TMEM178A: variants seen among roughly 807,000 people sequenced by gnomAD.
The protein encoded by TMEM178A is transmembrane protein 178A.
TMEM178A carries 12 observed loss-of-function variants against 29.1 expected under a neutral mutation model. That is an observed-to-expected ratio of 0.41 (90% CI 0.26 to 0.67). The LOEUF is 0.67. Ranked by LOEUF, TMEM178A falls within the 30% of genes least tolerant of loss-of-function variation. The pLI is 0.29. For synonymous variants in TMEM178A, 210 were observed against 187.2 expected (o/e 1.12, Z -0.99); for missense variants, 366 against 419.1 (o/e 0.87, Z 1.11).
intron 1 of TMEM178A, among the ~76,000 whole-genome samples, chr2:39,699,491 C>G (rs1671687867): frequency 1.3e-5 from 2 of 151,792 alleles, no homozygotes; most frequent in African/African-American, 4.8e-5. Flanking sequence ...GAGTCTCACT[C>G]TGTCACCCAG....
intron 1 of TMEM178A, among the ~76,000 whole-genome samples, chr2:39,697,086 T>C (rs1390052732): frequency 6.6e-6 from 1 of 152,222 alleles, no homozygotes; most frequent in Non-Finnish European, 1.5e-5. Context: ...ATCTAATGCC[T>C]CCTTGTGGAT....
upstream of TMEM178A, chr2:39,665,916 T>TGA: frequency 1.5e-6 from 2 of 1,313,844 alleles, no homozygotes; most frequent in South Asian, 4.1e-5. Context: ...TGGGGCCAAG[T>TGA]GCATTGTGTC....
At chr2:39,719,126 A>G (rs1672650314), downstream of TMEM178A, among the ~76,000 whole-genome samples, 2 of 152,062 alleles carry the variant, frequency 1.3e-5, no homozygotes, top group South Asian at 4.2e-4. Flanking sequence ...ATTCACTGGC[A>G]CTCTCTCAGG....
intron 1 of TMEM178A, among the ~76,000 whole-genome samples, chr2:39,691,274 T>C (rs1196514478): frequency 6.6e-6 from 1 of 152,194 alleles, no homozygotes; most frequent in Non-Finnish European, 1.5e-5. Context: ...CATATCATAA[T>C]ATAACTGTTG....
chr2:39,704,367 G>A (rs1001298748), intron 2 of TMEM178A, among the ~76,000 whole-genome samples, 173 bp downstream of exon 2: 3 of 152,142 alleles, frequency 2.0e-5, no homozygotes, highest in African/African-American at 7.2e-5. Flanking sequence ...TGTGGACACA[G>A]TTTGCTTAAA....
At chr2:39,732,572 C>G in the TMEM178A span, among the ~76,000 whole-genome samples, 1 of 152,264 alleles carries the variant, frequency 6.6e-6, no homozygotes, top group East Asian at 1.9e-4. Context: ...CAGAAGCAAG[C>G]CCCAATAGCA....
At chr2:39,723,525 C>T in the TMEM178A span, among the ~76,000 whole-genome samples, 1 of 152,168 alleles carries the variant, frequency 6.6e-6, no homozygotes, top group Non-Finnish European at 1.5e-5. Flanking sequence ...AAGTACTAAA[C>T]ATAAATAAGA....
intron 3 of TMEM178A, among the ~76,000 whole-genome samples, chr2:39,712,284 C>G (rs951426320): frequency 6.6e-6 from 1 of 152,058 alleles, no homozygotes; most frequent in African/African-American, 2.4e-5. Context: ...ATTTATCAAG[C>G]AGGCTAAACA....
chr2:39,679,611 T>C (rs926673163), intron 1 of TMEM178A, among the ~76,000 whole-genome samples: 1 of 152,182 alleles, frequency 6.6e-6, no homozygotes, highest in Non-Finnish European at 1.5e-5. Context: ...AGTCACTACC[T>C]TCAAGAAACT....
intron 1 of TMEM178A, among the ~76,000 whole-genome samples, chr2:39,685,398 C>T (rs1475981777): frequency 6.6e-6 from 1 of 152,192 alleles, no homozygotes; most frequent in Non-Finnish European, 1.5e-5. Context: ...TTTCAGAACA[C>T]TCAGTACTTC....
chr2:39,723,065 C>A, the TMEM178A span, among the ~76,000 whole-genome samples: 1 of 152,206 alleles, frequency 6.6e-6, no homozygotes, highest in South Asian at 2.1e-4. Context: ...TTGACTTGCT[C>A]CCAGAACGCA....
At chr2:39,730,474 G>C in the TMEM178A span, among the ~76,000 whole-genome samples, 19 of 152,260 alleles carry the variant, frequency 1.2e-4, no homozygotes, top group African/African-American at 4.6e-4. Context: ...TGGCTTTCTA[G>C]ACAATTCCTG....
In TMEM178A at chr2:39,668,236, ATTCCC is replaced by A. The variant is rs1670256734; in HGVS notation, c.400+1866_400+1870del. On this transcript the variant is annotated intron_variant, in intron 1 of 3. Coordinates refer to ENST00000281961, the MANE Select transcript of TMEM178A (RefSeq NM_152390.3). The stretch of plus-strand genomic sequence containing the variant: ...AGTTGAACATCTACTGGTTGTTCAA[ATTCCC>A]TTCTACAATCTTTCTGACAAATGGT... Among the ~76,000 whole-genome samples, 6 of 152,346 alleles carry A rather than the reference ATTCCC, an allele frequency of 3.9e-5. No homozygotes were observed. The South Asian group carries it at 1.2e-3, about 32-fold the overall frequency.
chr2:39,733,445 C>A, the TMEM178A span, among the ~76,000 whole-genome samples: 1 of 152,264 alleles, frequency 6.6e-6, no homozygotes, highest in East Asian at 1.9e-4. Flanking sequence ...CTTTATATGA[C>A]GTCCATCATC....
chr2:39,693,695 T>G (rs1572672235), intron 1 of TMEM178A, among the ~76,000 whole-genome samples: 1 of 152,274 alleles, frequency 6.6e-6, no homozygotes, highest in East Asian at 1.9e-4. Context: ...TTATATCTTC[T>G]CTTTAGTCTT....
chr2:39,726,309 A>G, the TMEM178A span, among the ~76,000 whole-genome samples: 5 of 152,188 alleles, frequency 3.3e-5, no homozygotes, highest in Non-Finnish European at 7.3e-5. Context: ...AGAGAGCCTG[A>G]GCAATGCAGG....
At chr2:39,731,894 C>T in the TMEM178A span, among the ~76,000 whole-genome samples, 6 of 152,290 alleles carry the variant, frequency 3.9e-5, no homozygotes, top group African/African-American at 9.6e-5. Context: ...AAGGGTAGGG[C>T]ACTGGGCAGG....
chr2:39,698,868 C>T (rs1408471644), intron 1 of TMEM178A, among the ~76,000 whole-genome samples: 3 of 151,928 alleles, frequency 2.0e-5, no homozygotes, highest in African/African-American at 7.3e-5. Flanking sequence ...TTCAGATTTT[C>T]TATTTTTTCT....
chr2:39,733,294 C>T, the TMEM178A span, among the ~76,000 whole-genome samples: 1 of 152,208 alleles, frequency 6.6e-6, no homozygotes, highest in Admixed American at 6.5e-5. Context: ...GAGATGACGT[C>T]ACTCTCATGT....
Sources: allele counts gnomAD v4.1 joint callset (sites outside exome capture counted in the v4.1 genomes callset), GRCh38; gene constraint gnomAD v4.1.1; transcripts MANE v1.5; gene names NCBI Gene and HGNC (gene_info 2026-07-23, HGNC 2026-07-21).